Variants in CCSER1 observed in about 807,000 individuals in gnomAD.
CCSER1 encodes coiled-coil serine rich protein 1, also known as serine-rich coiled-coil domain-containing protein 1.
Under a neutral mutation model 82.0 loss-of-function variants are expected in CCSER1, and 41 were observed. That is an observed-to-expected ratio of 0.50 (90% CI 0.39 to 0.65). The LOEUF is 0.65. Among genes scored for constraint, CCSER1 ranks in the 30% least tolerant of loss-of-function variants. The pLI is 0.00. For missense variants in CCSER1, 1,119 were observed against 1,064.2 expected (o/e 1.05, Z -0.72); for synonymous variants, 414 against 383.9 (o/e 1.08, Z -0.92).
intron 10 of CCSER1, among the ~76,000 whole-genome samples, chr4:91,388,339 A>G (rs1217031337): frequency 6.6e-6 from 1 of 152,134 alleles, no homozygotes; most frequent in Non-Finnish European, 1.5e-5. Context: ...TGGGATAATC[A>G]AATTATGGAT....
intron 6 of CCSER1, among the ~76,000 whole-genome samples, chr4:90,659,656 A>T (rs1240049496): frequency 1.3e-5 from 2 of 152,126 alleles, no homozygotes; most frequent in African/African-American, 4.8e-5. Flanking sequence ...TTGCATAATG[A>T]ATATTACCTA....
In CCSER1 at chr4:91,075,536, A is replaced by G. The variant is rs186321253; in HGVS notation, c.2173-10414A>G. On this transcript the variant is annotated intron_variant, in intron 9 of 10. Transcript: ENST00000509176. Reference sequence around the variant, plus strand: ...AATCTTATATTAATATTAAGAATCAACCCATATGCATACATATATATGAAT... The same window carrying G: ...AATCTTATATTAATATTAAGAATCAGCCCATATGCATACATATATATGAAT... Among the ~76,000 whole-genome samples the G allele has an allele frequency of 3.8e-3, 571 of 152,266 alleles. 3 individuals are homozygous for G. The highest frequency in any genetic ancestry group is 0.013 in the African/African-American group (544 of 41,550).
At chr4:90,554,997 A>C (rs537707569) in intron 5 of CCSER1, among the ~76,000 whole-genome samples, 5 of 152,298 alleles carry the variant, frequency 3.3e-5, no homozygotes, top group African/African-American at 1.2e-4. Flanking sequence ...AAGGACTTTT[A>C]TATTCCCTTC....
At chr4:90,227,973 C>T (rs529271102) in intron 1 of CCSER1, among the ~76,000 whole-genome samples, 17 of 152,302 alleles carry the variant, frequency 1.1e-4, no homozygotes, top group African/African-American at 2.6e-4. Context: ...GAGGGTCCTA[C>T]GCCCATGGAG....
intron 1 of CCSER1, among the ~76,000 whole-genome samples, chr4:90,202,107 G>C (rs1737818378): frequency 6.6e-6 from 1 of 151,908 alleles, no homozygotes; most frequent in Non-Finnish European, 1.5e-5. Context: ...TAATTCTTTG[G>C]TTTAAATGTT....
intron 10 of CCSER1, among the ~76,000 whole-genome samples, chr4:91,547,142 T>G (rs1047976443): frequency 6.6e-6 from 1 of 152,052 alleles, no homozygotes; most frequent in Admixed American, 6.6e-5. Flanking sequence ...TTAAGGTGTG[T>G]TTTATGGCCC....
intron 10 of CCSER1, among the ~76,000 whole-genome samples, chr4:91,583,638 G>A (rs1207714205): frequency 1.3e-5 from 2 of 151,520 alleles, no homozygotes; most frequent in African/African-American, 4.8e-5. Flanking sequence ...TGCTTGAATA[G>A]ACTAGTGGAG....
chr4:91,121,707 A>C (rs1422132226), intron 10 of CCSER1, among the ~76,000 whole-genome samples: 1 of 151,588 alleles, frequency 6.6e-6, no homozygotes, highest in Non-Finnish European at 1.5e-5. Flanking sequence ...CCAAGAAATA[A>C]TTTTTTAAAA....
At chr4:90,708,259 C>T (rs1580068708) in intron 6 of CCSER1, among the ~76,000 whole-genome samples, 1 of 152,288 alleles carries the variant, frequency 6.6e-6, no homozygotes, top group African/African-American at 2.4e-5. Flanking sequence ...CAGGTTAAAC[C>T]TTCTTATGAT....
At chr4:90,398,129 A>G (rs1191503048) in intron 3 of CCSER1, among the ~76,000 whole-genome samples, 1 of 152,130 alleles carries the variant, frequency 6.6e-6, no homozygotes, top group African/African-American at 2.4e-5. Flanking sequence ...CTGTGAATTC[A>G]CATGGTTCAT....
At chr4:90,287,031 T>G (rs1426536161) in intron 1 of CCSER1, among the ~76,000 whole-genome samples, 1 of 151,906 alleles carries the variant, frequency 6.6e-6, no homozygotes, top group Non-Finnish European at 1.5e-5. Flanking sequence ...TGGTGGTAAT[T>G]TACTAAATGG....
Position 91,599,274 on chromosome 4 carries a change from C to G in CCSER1, c.*217C>G, listed in dbSNP as rs1305102200. On this transcript the variant is annotated 3_prime_UTR_variant, in exon 11 of 11. Transcript: ENST00000509176. The stretch of plus-strand genomic sequence containing the variant: ...TGTTAATTGAACTAGGTTGCATTGC[C>G]TTGAAGACTTTACTATATAGGTGTA... The G allele has an allele frequency of 4.0e-6, 2 of 502,290 alleles. No individual in the cohort carries two copies. Among genetic ancestry groups the G allele is most frequent in the Non-Finnish European group, 6.9e-6 (2 of 288,262 alleles). 31.1% of individuals were successfully genotyped at this position (502,290 alleles called of 1,614,324 possible). A position where few individuals can be genotyped will look rare whatever the true frequency, so the allele number is the denominator to read the frequency against.
intron 5 of CCSER1, among the ~76,000 whole-genome samples, chr4:90,532,564 TTGCATAACATATGGTGCCTGG>T (rs1433461730): frequency 6.6e-6 from 1 of 152,112 alleles, no homozygotes; most frequent in Non-Finnish European, 1.5e-5. Flanking sequence ...ATCTCAGGCT[TTGCATAACATATGGTGCCTGG>T]TGCACGTTTG....
intron 5 of CCSER1, among the ~76,000 whole-genome samples, chr4:90,556,851 T>A (rs1400631607): frequency 6.9e-6 from 1 of 144,028 alleles, no homozygotes; most frequent in Non-Finnish European, 1.5e-5. Context: ...TATATCTATA[T>A]GTGTATATAT....
intron 5 of CCSER1, among the ~76,000 whole-genome samples, chr4:90,574,515 G>A (rs1189643175): frequency 1.3e-5 from 2 of 151,138 alleles, no homozygotes; most frequent in African/African-American, 2.4e-5. Flanking sequence ...TGATCCACCC[G>A]CCTCGGCCTC....
At chr4:90,841,577 CAA>C (rs750390139) in intron 8 of CCSER1, among the ~76,000 whole-genome samples, 6 of 50,908 alleles carry the variant, frequency 1.2e-4, no homozygotes, top group African/African-American at 2.1e-4. Flanking sequence ...GACTCTGTCT[CAA>C]AAAAAAAAAA....
intron 1 of CCSER1, among the ~76,000 whole-genome samples, chr4:90,204,745 T>C (rs984731851): frequency 3.3e-5 from 5 of 152,226 alleles, no homozygotes; most frequent in Non-Finnish European, 5.9e-5. Flanking sequence ...CAATGGTAGC[T>C]TGATGGGGAT....
chr4:91,534,309 T>C (rs976412132), intron 10 of CCSER1, among the ~76,000 whole-genome samples: 4 of 152,036 alleles, frequency 2.6e-5, no homozygotes, highest in Admixed American at 6.6e-5. Flanking sequence ...AATTAAATTC[T>C]TTCCGCTCTC....
At chr4:90,285,420 T>G (rs1367104137) in intron 1 of CCSER1, among the ~76,000 whole-genome samples, 1 of 152,058 alleles carries the variant, frequency 6.6e-6, no homozygotes, top group Non-Finnish European at 1.5e-5. Flanking sequence ...TGGGATTACT[T>G]TCTTAGTTTC....
Sources: gnomAD v4.1 joint callset for allele counts (sites outside exome capture counted in the v4.1 genomes callset) on GRCh38, gnomAD v4.1.1 for gene constraint, MANE v1.5 for transcripts, NCBI Gene and HGNC (gene_info 2026-07-23, HGNC 2026-07-21) for gene names.